ZMIZ1: variants seen among roughly 807,000 people sequenced by gnomAD.
ZMIZ1 encodes the protein zinc finger MIZ-type containing 1.
Under a neutral mutation model 113.9 loss-of-function variants are expected in ZMIZ1, and 17 were observed. The observed-to-expected ratio is 0.15, with a 90% CI of 0.10 to 0.22. The LOEUF is 0.22. ZMIZ1 is among the 10% of genes least tolerant of loss of function. The probability of loss-of-function intolerance (pLI) is 1.00; values close to 1 mark genes in which losing one functional copy is unlikely to be tolerated. For missense variants in ZMIZ1, 1,059 were observed against 1,477.8 expected, an observed-to-expected ratio of 0.72 and a Z score of 4.65; for synonymous variants, 607 against 603.1, an observed-to-expected ratio of 1.01 and a Z score of -0.09.
intron 18 of ZMIZ1, among the ~76,000 whole-genome samples, chr10:79,302,705 T>TTTTTTTGA (rs1220394783): frequency 1.1e-5 from 1 of 92,422 alleles, no homozygotes; most frequent in Non-Finnish European, 2.1e-5. Flanking sequence ...TTTTTTTTTT[T>TTTTTTTGA]GAGAGAGAGA....
In ZMIZ1 at chr10:79,099,095, T is replaced by A. The variant is rs950550910; in HGVS notation, c.-336-19820T>A. ...GCAGGTCCTGAGACCCAGCAAGGCC[T>A]GCACCCCCTCCTCGACACCCACCCA... On this transcript the variant is annotated intron_variant, in intron 1 of 24. Coordinates refer to ENST00000334512, the MANE Select transcript of ZMIZ1 (RefSeq NM_020338.4). Among the ~76,000 whole-genome samples, 5 of 152,298 alleles carry A rather than the reference T, an allele frequency of 3.3e-5. No individual in the cohort carries two copies. In the South Asian group the frequency reaches 1.0e-3, roughly 32 times the overall value.
intron 2 of ZMIZ1, among the ~76,000 whole-genome samples, chr10:79,120,587 C>T (rs1333514122): frequency 2.0e-5 from 3 of 152,218 alleles, no homozygotes; most frequent in African/African-American, 4.8e-5. Context: ...CTTGCCCGCT[C>T]TAGGACTCAT....
At position 79,069,933 on chromosome 10, in the gene ZMIZ1, C is replaced by T. The variant is rs1358283654; in HGVS notation, c.-337+663C>T. On this transcript the variant is annotated intron_variant, in intron 1 of 24. Coordinates refer to ENST00000334512, the MANE Select transcript of ZMIZ1 (RefSeq NM_020338.4). This position sits in a 1 kb window ranked among gnomAD's most constrained non-coding sequence, Gnocchi z 4.6. Reference sequence around the variant, plus strand: ...GGTTTTCTCCCAGGGCTTCGCAAGCCAGAGGGGCGCTCAGGCCAGTGCCTG... The same window carrying T: ...GGTTTTCTCCCAGGGCTTCGCAAGCTAGAGGGGCGCTCAGGCCAGTGCCTG... Among the ~76,000 whole-genome samples the T allele has an allele frequency of 6.6e-6, 1 of 151,772 alleles. No individual in the cohort carries two copies. The highest frequency in any genetic ancestry group is 2.4e-5 in the African/African-American group (1 of 41,304).
Position 79,312,865 on chromosome 10 carries a change from G to C in ZMIZ1, c.*116G>C. The C allele has an allele frequency of 4.2e-6, 4 of 942,182 alleles. No homozygotes were observed. Among genetic ancestry groups the C allele is most frequent in the Non-Finnish European group, 6.4e-6 (4 of 622,354 alleles). 58.4% of individuals were successfully genotyped at this position (942,182 alleles called of 1,614,324 possible). Reference sequence around the variant, plus strand: ...CCGCCCCGCACCAGAGCCACGGGCTGTGGGGCGGGGAGCCCTCCCCCGCTG... The same window carrying C: ...CCGCCCCGCACCAGAGCCACGGGCTCTGGGGCGGGGAGCCCTCCCCCGCTG... On this transcript the variant is annotated 3_prime_UTR_variant, in exon 25 of 25. Transcript: ENST00000334512.
intron 7 of ZMIZ1, among the ~76,000 whole-genome samples, chr10:79,260,014 G>T (rs867593682): frequency 6.6e-6 from 1 of 152,292 alleles, no homozygotes; most frequent in East Asian, 1.9e-4. Context: ...TCACGTTTCC[G>T]GTCTGGTCAT....
intron 4 of ZMIZ1, among the ~76,000 whole-genome samples, chr10:79,187,197 C>T (rs1403093475): frequency 2.0e-5 from 3 of 152,184 alleles, no homozygotes; most frequent in Non-Finnish European, 4.4e-5. Context: ...CATCTCACCC[C>T]GTCCCCACTT....
At chr10:79,278,059 C>T (rs1391173396) in intron 8 of ZMIZ1, among the ~76,000 whole-genome samples, 2 of 152,320 alleles carry the variant, frequency 1.3e-5, no homozygotes, top group East Asian at 1.9e-4. Flanking sequence ...CTGAGGGACC[C>T]GCAGCCCAGA....
intron 7 of ZMIZ1, among the ~76,000 whole-genome samples, chr10:79,220,268 C>G (rs1037267460): frequency 3.9e-5 from 6 of 152,176 alleles, no homozygotes; most frequent in African/African-American, 1.4e-4. Context: ...GTAAATATGA[C>G]CCTCCAGCCT....
intron 2 of ZMIZ1, among the ~76,000 whole-genome samples, chr10:79,125,280 G>A (rs1480460428): frequency 6.6e-6 from 1 of 152,244 alleles, no homozygotes; most frequent in Non-Finnish European, 1.5e-5. Context: ...GGCAGGCGTT[G>A]CTCAGTGACA....
chr10:79,262,901 A>C (rs73304138), intron 7 of ZMIZ1, among the ~76,000 whole-genome samples: 1,779 of 152,328 alleles, frequency 0.012, 41 homozygotes, highest in African/African-American at 0.04. Flanking sequence ...TGTGATTTCC[A>C]GGGCTGTCAA....
intron 5 of ZMIZ1, among the ~76,000 whole-genome samples, chr10:79,202,453 G>T (rs201313941): frequency 1.3e-5 from 2 of 148,926 alleles, no homozygotes; most frequent in African/African-American, 2.5e-5. Context: ...TTTAAAAAAA[G>T]AAAAAAAAAG....
intron 23 of ZMIZ1, among the ~76,000 whole-genome samples, 198 bp from the exon 24 acceptor site, chr10:79,310,726 A>C (rs1347398710): frequency 6.6e-6 from 1 of 151,982 alleles, no homozygotes; most frequent in Non-Finnish European, 1.5e-5. Context: ...GTCCCCCTGC[A>C]GCCTCCCTGA....
chr10:79,090,180 G>A (rs1842943935), intron 1 of ZMIZ1, among the ~76,000 whole-genome samples: 1 of 152,232 alleles, frequency 6.6e-6, no homozygotes, highest in Admixed American at 6.5e-5. Context: ...CATTTTACAG[G>A]TGGGAAAACA....
intron 3 of ZMIZ1, among the ~76,000 whole-genome samples, chr10:79,155,771 C>CTG (rs1845881700): frequency 6.6e-6 from 1 of 152,258 alleles, no homozygotes; most frequent in Non-Finnish European, 1.5e-5. Context: ...GCCCTGCTCA[C>CTG]TGATGCCCTC....
chr10:79,201,680 G>A lies in ZMIZ1; in HGVS notation c.48G>A (p.Gln16=). The change falls in exon 5 of 25, where the codon CAG becomes CAA. Residue 16 remains glutamine (Q), a synonymous_variant. Coordinates refer to ENST00000334512, the MANE Select transcript of ZMIZ1 (RefSeq NM_020338.4). ...TCCAGCAGACCAATGACCGACTGCA[G>A]TGCATCAAGCAGGTGGGTGTGGGGC... ...RHIQQTNDRL[Q]CIKQHLQNPA... is the part of the protein sequence containing the mutation. 4.3e-6 allele frequency: 7 copies of A among 1,613,422 alleles called. No individual in the cohort carries two copies. Among genetic ancestry groups the A allele is most frequent in the Non-Finnish European group, 5.9e-6 (7 of 1,179,882 alleles).
At chr10:79,282,553 G>C (rs1384217497) in intron 8 of ZMIZ1, among the ~76,000 whole-genome samples, 1 of 152,216 alleles carries the variant, frequency 6.6e-6, no homozygotes, top group Non-Finnish European at 1.5e-5. Context: ...TCTGCTGCAG[G>C]CTGCAGAGCT....
At chr10:79,156,819 C>G (rs1210323353) in intron 3 of ZMIZ1, among the ~76,000 whole-genome samples, 3 of 152,242 alleles carry the variant, frequency 2.0e-5, no homozygotes, top group Admixed American at 6.5e-5. Context: ...GTAGTTACTG[C>G]TCTTCGGTGA....
intron 3 of ZMIZ1, among the ~76,000 whole-genome samples, chr10:79,143,651 C>T (rs1845362161): frequency 6.6e-6 from 1 of 152,200 alleles, no homozygotes; most frequent in African/African-American, 2.4e-5. Context: ...AAAGAACCCA[C>T]ACCTTCCAGC....
At chr10:79,212,286 T>C (rs1848558445) in intron 6 of ZMIZ1, among the ~76,000 whole-genome samples, 2 of 151,990 alleles carry the variant, frequency 1.3e-5, no homozygotes, top group Admixed American at 1.3e-4. Flanking sequence ...GCCTCCTGGG[T>C]AACTGGGACT....
Sources: allele counts gnomAD v4.1 joint callset (sites outside exome capture counted in the v4.1 genomes callset), GRCh38; gene constraint gnomAD v4.1.1; non-coding constraint Gnocchi (gnomAD v3.1); transcripts MANE v1.5; gene names NCBI Gene and HGNC (gene_info 2026-07-23, HGNC 2026-07-21).